Variants in KLHL32 observed in about 807,000 individuals in gnomAD.
The protein encoded by KLHL32 is kelch-like protein 32.
Under a neutral mutation model 64.8 loss-of-function variants are expected in KLHL32, and 35 were observed. That is an observed-to-expected ratio of 0.54 (90% CI 0.41 to 0.72). The LOEUF is 0.72. KLHL32 is among the 30% of genes least tolerant of loss of function. The pLI, the probability that KLHL32 is intolerant of heterozygous loss-of-function variation, is 0.00. For synonymous variants in KLHL32, 259 were observed against 281.0 expected (o/e 0.92, Z 0.78); for missense variants, 589 against 768.5 (o/e 0.77, Z 2.76).
intron 2 of KLHL32, 107 bp from the exon 3 acceptor site, chr6:96,975,890 T>C: frequency 5.6e-6 from 4 of 713,834 alleles, no homozygotes; most frequent in Non-Finnish European, 8.7e-6. Flanking sequence ...ACTCATAGAG[T>C]GCACTGGAAC....
intron 4 of KLHL32, among the ~76,000 whole-genome samples, chr6:97,064,283 C>T (rs1789368824): frequency 6.6e-6 from 1 of 152,106 alleles, no homozygotes; most frequent in Non-Finnish European, 1.5e-5. Flanking sequence ...AGTTCTTTTG[C>T]ATTTTATAAG....
chr6:97,041,830 T>A (rs1012985954), intron 4 of KLHL32, among the ~76,000 whole-genome samples: 91 of 152,234 alleles, frequency 6.0e-4, no homozygotes, highest in Non-Finnish European at 2.9e-5. Flanking sequence ...ACTCAGTGCT[T>A]GCTGGTGTAA....
At chr6:97,061,240 T>C (rs1280139991) in intron 4 of KLHL32, among the ~76,000 whole-genome samples, 1 of 152,100 alleles carries the variant, frequency 6.6e-6, no homozygotes, top group Non-Finnish European at 1.5e-5. Context: ...AAGCCCCAGC[T>C]CTACAGGTGA....
At chr6:97,028,902 G>T (rs976869298) in intron 3 of KLHL32, among the ~76,000 whole-genome samples, 1 of 152,224 alleles carries the variant, frequency 6.6e-6, no homozygotes, top group African/African-American at 2.4e-5. Context: ...GTGATCCCAC[G>T]TTCAGGGGAT....
Position 97,114,311 on chromosome 6 carries a change from A to T in KLHL32, c.1156A>T (p.Asn386Tyr). The T allele has an allele frequency of 6.2e-7, 1 of 1,614,124 alleles. No homozygotes were observed. Among genetic ancestry groups the T allele is most frequent in the Non-Finnish European group, 8.5e-7 (1 of 1,180,006 alleles). The part of the protein sequence containing the change: ...NSWAEIAPMK[N>Y]CREHFVLGAM... ...CTGGGCAGAGATAGCACCCATGAAA[A>T]ACTGCCGGGAGCATTTTGTGCTGGG... The change falls in exon 7 of 11, where the codon AAC becomes TAC. Residue 386 changes from asparagine (N) to tyrosine (Y), a missense_variant. Physicochemically the swap from Asn to Tyr is moderately radical, Grantham distance 143 (BLOSUM62 -2). Coordinates refer to ENST00000369261, the MANE Select transcript of KLHL32 (RefSeq NM_052904.4).
intron 8 of KLHL32, among the ~76,000 whole-genome samples, chr6:97,129,636 C>T (rs1359534178): frequency 6.6e-6 from 1 of 152,126 alleles, no homozygotes; most frequent in Non-Finnish European, 1.5e-5. Context: ...AATCCCAGCA[C>T]TTTGGGAGGC....
At chr6:97,114,874 G>C (rs1441265342) in intron 7 of KLHL32, among the ~76,000 whole-genome samples, 1 of 152,134 alleles carries the variant, frequency 6.6e-6, no homozygotes, top group Admixed American at 6.5e-5. Flanking sequence ...CTGGCTACCT[G>C]ACTAGAGCCA....
the KLHL32 span, among the ~76,000 whole-genome samples, chr6:96,901,328 CTTTT>C: frequency 9.9e-3 from 1,455 of 147,130 alleles, 6 homozygotes; most frequent in Middle Eastern, 0.024. Flanking sequence ...TCCTGGATGC[CTTTT>C]TTTTTTTTTT....
intron 3 of KLHL32, among the ~76,000 whole-genome samples, chr6:97,030,483 T>G (rs1783380605): frequency 6.6e-6 from 1 of 152,182 alleles, no homozygotes; most frequent in African/African-American, 2.4e-5. Context: ...GGTTTTCAAT[T>G]AGAAAGGTTT....
chr6:96,979,969 G>A (rs1005668560), intron 3 of KLHL32, among the ~76,000 whole-genome samples: 1 of 149,644 alleles, frequency 6.7e-6, no homozygotes, highest in African/African-American at 2.5e-5. Flanking sequence ...CTTGGATGTT[G>A]TTGGTGTATA....
intron 1 of KLHL32, among the ~76,000 whole-genome samples, chr6:96,927,913 G>A (rs1024686421): frequency 3.9e-5 from 6 of 152,112 alleles, no homozygotes; most frequent in South Asian, 4.1e-4. Context: ...CTTCCATATC[G>A]GCTTCACAAT....
chr6:97,080,126 A>G (rs1418343321), intron 5 of KLHL32, among the ~76,000 whole-genome samples: 2 of 152,184 alleles, frequency 1.3e-5, no homozygotes, highest in African/African-American at 4.8e-5. Flanking sequence ...TTTTTTTGTC[A>G]CAGAAGAATG....
intron 8 of KLHL32, among the ~76,000 whole-genome samples, chr6:97,128,745 C>A (rs1293605985): frequency 6.6e-6 from 1 of 152,212 alleles, no homozygotes; most frequent in African/African-American, 2.4e-5. Context: ...AGGAATGACC[C>A]CACCAGGCCT....
intron 5 of KLHL32, among the ~76,000 whole-genome samples, chr6:97,069,851 A>C (rs1790422802): frequency 6.6e-6 from 1 of 152,154 alleles, no homozygotes; most frequent in African/African-American, 2.4e-5. Flanking sequence ...AGGAGCTCAC[A>C]TATTTTACAG....
In KLHL32 at chr6:97,044,055, A is replaced by G. The variant is rs555891812; in HGVS notation, c.312+2456A>G. On this transcript the variant is annotated intron_variant, in intron 4 of 10. Coordinates refer to ENST00000369261, the MANE Select transcript of KLHL32 (RefSeq NM_052904.4). ...GAATAGAAGTGGTCAAAATGGGCAT[A>G]CTTGTCTTGTTTCTGATCTTAAAGG... Among the ~76,000 whole-genome samples, 9 of 152,020 alleles carry G rather than the reference A, an allele frequency of 5.9e-5. No homozygotes were observed. In the South Asian group the frequency reaches 1.9e-3, roughly 32 times the overall value.
intron 5 of KLHL32, among the ~76,000 whole-genome samples, chr6:97,067,810 G>C (rs1309931783): frequency 6.6e-6 from 1 of 152,128 alleles, no homozygotes; most frequent in Non-Finnish European, 1.5e-5. Context: ...TTCAAGGCCA[G>C]GCCTGTTCCT....
intron 3 of KLHL32, among the ~76,000 whole-genome samples, chr6:97,002,871 G>A (rs1779213365): frequency 6.6e-6 from 1 of 152,130 alleles, no homozygotes; most frequent in South Asian, 2.1e-4. Flanking sequence ...TGGTGAATAT[G>A]TACTACATTT....
intron 4 of KLHL32, among the ~76,000 whole-genome samples, chr6:97,060,897 G>A (rs1788770968): frequency 2.6e-5 from 4 of 152,228 alleles, no homozygotes; most frequent in African/African-American, 9.6e-5. Flanking sequence ...CCACCAAAAT[G>A]AGTGTAGAGT....
chr6:97,006,475 G>T (rs959396053), intron 3 of KLHL32, among the ~76,000 whole-genome samples: 4 of 152,156 alleles, frequency 2.6e-5, no homozygotes, highest in Non-Finnish European at 4.4e-5. Context: ...TTGACATTCT[G>T]TGCCTTTTAT....
Sources: gnomAD v4.1 joint callset for allele counts (sites outside exome capture counted in the v4.1 genomes callset) on GRCh38, gnomAD v4.1.1 for gene constraint, MANE v1.5 for transcripts, NCBI Gene and HGNC (gene_info 2026-07-23, HGNC 2026-07-21) for gene names.